Variants in LOXL2 observed in about 807,000 individuals in gnomAD.
LOXL2 encodes the protein lysyl oxidase homolog 2.
A neutral mutation model predicts 93.0 loss-of-function variants in LOXL2; 70 were observed. That is an observed-to-expected ratio of 0.75 (90% CI 0.62 to 0.92). The LOEUF (loss-of-function observed/expected upper bound fraction) is 0.92. Ranked by LOEUF, LOXL2 falls within the 40% of genes least tolerant of loss-of-function variation. LOXL2 has a pLI of 0.00. For missense variants in LOXL2, 973 were observed against 1,054.9 expected, an observed-to-expected ratio of 0.92 and a Z score of 1.08; for synonymous variants, 438 against 413.2, an observed-to-expected ratio of 1.06 and a Z score of -0.73.
chr8:23,369,493 T>C (rs908541033), intron 1 of LOXL2, among the ~76,000 whole-genome samples: 1 of 152,190 alleles, frequency 6.6e-6, no homozygotes, highest in Admixed American at 6.5e-5. Flanking sequence ...AATCATATTC[T>C]TCTGGTCATG....
At position 23,341,144 on chromosome 8, in the gene LOXL2, C is replaced by T. The variant is rs375716439; in HGVS notation, c.591G>A (p.Lys197=). 6.2e-7 allele frequency: 1 copy of T among 1,613,804 alleles called. No homozygotes were observed. The highest frequency in any genetic ancestry group is 8.5e-7 in the Non-Finnish European group (1 of 1,180,040). ...CGTAGCCCTCCATCACTGGGGTGCG[C>T]TTGCGGTAGGTTGAGAGGATGGCTC... ...RIRAILSTYR[K]RTPVMEGYVE... The change falls in exon 4 of 14, where the codon AAG becomes AAA. Residue 197 remains lysine, a synonymous_variant. Coordinates refer to ENST00000389131, the MANE Select transcript of LOXL2 (RefSeq NM_002318.3).
intron 1 of LOXL2, among the ~76,000 whole-genome samples, chr8:23,389,960 A>G (rs1585383578): frequency 6.6e-6 from 1 of 152,108 alleles, no homozygotes; most frequent in South Asian, 2.1e-4. Flanking sequence ...ACAGTGCCCT[A>G]CCCTGCCAAG....
At chr8:23,387,358 G>C (rs541822617) in intron 1 of LOXL2, among the ~76,000 whole-genome samples, 2 of 152,282 alleles carry the variant, frequency 1.3e-5, no homozygotes, top group Non-Finnish European at 2.9e-5. Context: ...AGAGGGACTC[G>C]GGGATCGAGG....
At chr8:23,375,466 T>G (rs1585377283) in intron 1 of LOXL2, among the ~76,000 whole-genome samples, 1 of 152,218 alleles carries the variant, frequency 6.6e-6, no homozygotes, top group East Asian at 1.9e-4. Context: ...AAAGTAGTTT[T>G]TTCCAATTCT....
At position 23,322,262 on chromosome 8, in the gene LOXL2, G is replaced by A. The variant is rs1254353182; in HGVS notation, c.1170C>T (p.Leu390=). 1 of 1,614,210 alleles carries A rather than the reference G, an allele frequency of 6.2e-7. No homozygotes were observed. Among genetic ancestry groups the A allele is most frequent in the South Asian group, 1.1e-5 (1 of 91,076 alleles). Residue 390 remains leucine, a synonymous_variant, in exon 7 of 14, where the codon CTC becomes CTT. Coordinates refer to ENST00000389131, the MANE Select transcript of LOXL2 (RefSeq NM_002318.3). ...CATTGCCTGTGCACTGGATCTCGTT[G>A]AGGTGGATGGGTCCGATCCCTGCAA... is the stretch of plus-strand genomic sequence containing the variant. ...RLGQGIGPIH[L]NEIQCTGNEK... is the part of the protein sequence containing the mutation.
rs112196547 is a variant in LOXL2, at chr8:23,368,394, G to C, written c.-43C>G. 826 of 1,550,194 alleles carry C rather than the reference G, an allele frequency of 5.3e-4. 4 individuals carry two copies. In the African/African-American group the frequency reaches 9.8e-3, roughly 18 times the overall value. ...TGATCCCACGAAGGGGCCCTGCGCA[G>C]CTGGGAGGGACAGGCGGGGTACAGA... On this transcript the variant is annotated 5_prime_UTR_variant, in exon 2 of 14. Coordinates refer to ENST00000389131, the MANE Select transcript of LOXL2 (RefSeq NM_002318.3).
At chr8:23,342,854 G>A (rs1025022524) in intron 3 of LOXL2, among the ~76,000 whole-genome samples, 3 of 152,070 alleles carry the variant, frequency 2.0e-5, no homozygotes, top group African/African-American at 4.8e-5. Context: ...GGGCTCAACC[G>A]ATCCTCCTGT....
At chr8:23,393,933 A>G (rs1378309376) in intron 1 of LOXL2, among the ~76,000 whole-genome samples, 1 of 152,242 alleles carries the variant, frequency 6.6e-6, no homozygotes, top group African/African-American at 2.4e-5. Context: ...TGCTCAACAC[A>G]GAATAGACGT....
At chr8:23,308,264 G>A (rs1803264386) in intron 10 of LOXL2, among the ~76,000 whole-genome samples, 1 of 152,228 alleles carries the variant, frequency 6.6e-6, no homozygotes, top group South Asian at 2.1e-4. Context: ...ACACTGCAGT[G>A]TGCACACGGT....
intron 6 of LOXL2, among the ~76,000 whole-genome samples, chr8:23,325,995 G>C (rs962092671): frequency 6.6e-6 from 1 of 152,232 alleles, no homozygotes; most frequent in Admixed American, 6.5e-5. Flanking sequence ...CAAGCAGGTG[G>C]CTGGGCAGGG....
chr8:23,325,989 C>A (rs1803570338), intron 6 of LOXL2, among the ~76,000 whole-genome samples: 1 of 152,210 alleles, frequency 6.6e-6, no homozygotes. Context: ...ACCAAGCAAG[C>A]AGGTGGCTGG....
At chr8:23,387,321 G>A (rs1489810878) in intron 1 of LOXL2, among the ~76,000 whole-genome samples, 3 of 152,180 alleles carry the variant, frequency 2.0e-5, no homozygotes, top group African/African-American at 7.2e-5. Flanking sequence ...GTATCAGAGA[G>A]AGATCAGGAA....
At chr8:23,319,652 C>T (rs1159451055) in intron 8 of LOXL2, among the ~76,000 whole-genome samples, 2 of 152,140 alleles carry the variant, frequency 1.3e-5, no homozygotes, top group Admixed American at 6.5e-5. Flanking sequence ...CCCAGCCCCT[C>T]GTTCTGCAGC....
chr8:23,297,803 CTG>C lies in LOXL2; in HGVS notation c.*238_*239del, dbSNP rs757168010. The C allele has an allele frequency of 6.2e-6, 3 of 484,916 alleles. No homozygotes were observed. Among genetic ancestry groups the C allele is most frequent in the Middle Eastern group, 5.5e-4 (1 of 1,826 alleles). The allele number at this position is 484,916 out of a possible 1,614,324, so 30.0% of individuals were successfully genotyped here. A position where few individuals can be genotyped will look rare whatever the true frequency, so the allele number is the denominator to read the frequency against. ...GGCTCTTGGTGCTGCTCCAGCAGCT[CTG>C]TGGACAAACCCCACCCCCGCAAGGC... On this transcript the variant is annotated 3_prime_UTR_variant, in exon 14 of 14. Coordinates refer to ENST00000389131, the MANE Select transcript of LOXL2 (RefSeq NM_002318.3).
At chr8:23,361,355 C>T (rs937060171) in intron 2 of LOXL2, among the ~76,000 whole-genome samples, 5 of 152,154 alleles carry the variant, frequency 3.3e-5, no homozygotes, top group African/African-American at 7.2e-5. Context: ...TATTTCCCAT[C>T]GCTGGCTCAG....
intron 2 of LOXL2, among the ~76,000 whole-genome samples, chr8:23,360,694 G>A (rs1021542311): frequency 3.9e-5 from 6 of 152,148 alleles, no homozygotes; most frequent in Non-Finnish European, 8.8e-5. Context: ...GAGATACTAC[G>A]AAGCCTGTGC....
At chr8:23,335,780 G>A (rs1803779052) in intron 4 of LOXL2, among the ~76,000 whole-genome samples, 2 of 152,190 alleles carry the variant, frequency 1.3e-5, no homozygotes, top group Non-Finnish European at 2.9e-5. Context: ...AGCCCTGGAA[G>A]TACCTCCTTT....
At position 23,346,117 on chromosome 8, in the gene LOXL2, T is replaced by TA. The variant is rs1803970712; in HGVS notation, c.532-4915dup. Among the ~76,000 whole-genome samples the TA allele has an allele frequency of 3.5e-4, 9 of 25,724 alleles. No individual in the cohort carries two copies. In the East Asian group the frequency reaches 3.7e-3, roughly 11 times the overall value. The allele number at this position is 25,724 out of a possible 152,430, so 16.9% of individuals were successfully genotyped here. A position where few individuals can be genotyped will look rare whatever the true frequency, so the allele number is the denominator to read the frequency against. On this transcript the variant is annotated intron_variant, in intron 3 of 13. Coordinates refer to ENST00000389131, the MANE Select transcript of LOXL2 (RefSeq NM_002318.3). ...AAAATAAAATAAAATAAAATAAAATTAAAATAAAATAAAATAAAATAAAAT... is the reference window on the plus strand; with the variant it reads ...AAAATAAAATAAAATAAAATAAAATTAAAAATAAAATAAAATAAAATAAAAT...
At chr8:23,317,230 A>T (rs1585347167) in intron 8 of LOXL2, 116 bp from the exon 9 acceptor site, 1 of 1,197,104 alleles carries the variant, frequency 8.4e-7, no homozygotes, top group South Asian at 1.2e-5. Flanking sequence ...CATTTTTCAG[A>T]TCGAAACAGC....
Sources: gnomAD v4.1 joint callset for allele counts (sites outside exome capture counted in the v4.1 genomes callset) on GRCh38, gnomAD v4.1.1 for gene constraint, MANE v1.5 for transcripts, NCBI Gene and HGNC (gene_info 2026-07-23, HGNC 2026-07-21) for gene names.